Variants in SYNJ1 observed in about 807,000 individuals in gnomAD.
SYNJ1 encodes synaptojanin 1, also known as polyphosphatidylinositol phosphatase SYNJ1.
In SYNJ1, 78 loss-of-function variants were observed where a neutral mutation model predicts 168.2. That is an observed-to-expected ratio of 0.46 (90% CI 0.39 to 0.56). The LOEUF is 0.56. Among genes scored for constraint, SYNJ1 ranks in the 20% least tolerant of loss-of-function variants. SYNJ1 has a pLI of 0.00. For missense variants in SYNJ1, 1,303 were observed against 1,597.6 expected, an observed-to-expected ratio of 0.82 and a Z score of 3.14; for synonymous variants, 539 against 548.6, an observed-to-expected ratio of 0.98 and a Z score of 0.24.
intron 22 of SYNJ1, 121 bp downstream of exon 22, chr21:32,653,167 A>C: frequency 1.3e-6 from 1 of 764,392 alleles, no homozygotes. Flanking sequence ...AACTCCTCGA[A>C]CATACCATAA....
intron 1 of SYNJ1, among the ~76,000 whole-genome samples, chr21:32,727,170 GGTCT>G (rs1569145196): frequency 6.6e-6 from 1 of 152,144 alleles, no homozygotes; most frequent in Non-Finnish European, 1.5e-5. Flanking sequence ...GTCAATCAAC[GGTCT>G]GGTTGAGTTT....
chr21:32,720,859 A>C (rs1459004290), intron 2 of SYNJ1, among the ~76,000 whole-genome samples: 1 of 152,164 alleles, frequency 6.6e-6, no homozygotes, highest in Non-Finnish European at 1.5e-5. Flanking sequence ...TCCATCTTCT[A>C]TTTAGGATAT....
chr21:32,669,269 AT>A (rs1293151205), intron 15 of SYNJ1, among the ~76,000 whole-genome samples: 1 of 152,080 alleles, frequency 6.6e-6, no homozygotes, highest in African/African-American at 2.4e-5. Context: ...GTTATGTGGC[AT>A]TTTTTTCAAC....
At chr21:32,667,485 TA>T (rs1244937371) in intron 15 of SYNJ1, among the ~76,000 whole-genome samples, 5 of 151,704 alleles carry the variant, frequency 3.3e-5, no homozygotes, top group African/African-American at 9.7e-5. Flanking sequence ...CCCCATTTAT[TA>T]AAAAAAAATC....
chr21:32,710,210 AATAAAAAC>A (rs1345473492), intron 2 of SYNJ1, among the ~76,000 whole-genome samples: 1 of 152,144 alleles, frequency 6.6e-6, no homozygotes, highest in East Asian at 1.9e-4. Flanking sequence ...AAAATAAATA[AATAAAAAC>A]ATAAATAAAT....
chr21:32,696,215 T>G (rs1032506471), intron 4 of SYNJ1, among the ~76,000 whole-genome samples: 1 of 152,214 alleles, frequency 6.6e-6, no homozygotes, highest in Non-Finnish European at 1.5e-5. Flanking sequence ...TAAATTTAAA[T>G]AGCAAGATGT....
chr21:32,645,188 TAATTTA>T (rs1270950268), intron 25 of SYNJ1, among the ~76,000 whole-genome samples, 182 bp from the exon 26 acceptor site: 1 of 152,228 alleles, frequency 6.6e-6, no homozygotes, highest in African/African-American at 2.4e-5. Flanking sequence ...GCACTATATT[TAATTTA>T]AAAGAACATT....
In SYNJ1 at chr21:32,699,749, T is replaced by C. The variant is rs1428893348; in HGVS notation, c.479+89A>G. ...GGTCTTCAGGGTTCTTCCTCCTTTC[T>C]TGCTGTCACGGTGAGGAGGTTTTTG... On this transcript the variant is annotated intron_variant, in intron 4 of 32. Coordinates refer to ENST00000674351, the MANE Select transcript of SYNJ1 (RefSeq NM_203446.3). 5 of 1,481,738 alleles carry C rather than the reference T, an allele frequency of 3.4e-6. No homozygotes were observed. The Admixed American group carries it at 1.1e-4, about 33-fold the overall frequency. 91.8% of individuals were successfully genotyped at this position (1,481,738 alleles called of 1,614,324 possible). A position where few individuals can be genotyped will look rare whatever the true frequency, so the allele number is the denominator to read the frequency against.
intron 2 of SYNJ1, among the ~76,000 whole-genome samples, chr21:32,720,277 A>T (rs2043173897): frequency 6.6e-6 from 1 of 152,176 alleles, no homozygotes; most frequent in Non-Finnish European, 1.5e-5. Context: ...ACTTAATGAG[A>T]TAATAAGGTC....
At chr21:32,679,796 T>A (rs895146884) in intron 11 of SYNJ1, among the ~76,000 whole-genome samples, 23 of 152,122 alleles carry the variant, frequency 1.5e-4, no homozygotes, top group Non-Finnish European at 2.1e-4. Context: ...GCAAATGACA[T>A]TATTTGAAAA....
chr21:32,685,436 A>AT (rs2041799908), intron 9 of SYNJ1, among the ~76,000 whole-genome samples: 3 of 148,428 alleles, frequency 2.0e-5, no homozygotes, highest in Admixed American at 2.0e-4. Flanking sequence ...AAAAAAAAAA[A>AT]AAAAAAAAAA....
At chr21:32,659,427 A>G (rs997185122) in intron 18 of SYNJ1, among the ~76,000 whole-genome samples, 22 of 152,192 alleles carry the variant, frequency 1.4e-4, no homozygotes, top group Non-Finnish European at 2.8e-4. Context: ...CCAAAGAAAG[A>G]AGAAGTAAAA....
chr21:32,712,976 A>C (rs1394061987), intron 2 of SYNJ1, among the ~76,000 whole-genome samples: 1 of 152,252 alleles, frequency 6.6e-6, no homozygotes, highest in Non-Finnish European at 1.5e-5. Flanking sequence ...AAACATGTAC[A>C]AGGATGTTCA....
In SYNJ1 at chr21:32,640,305, G is replaced by T. The variant is rs543417909; in HGVS notation, c.3589-526C>A. Among the ~76,000 whole-genome samples the T allele has an allele frequency of 8.2e-3, 1,234 of 150,064 alleles. 18 individuals carry two copies. Among genetic ancestry groups the T allele is most frequent in the Middle Eastern group, 0.034 (10 of 292 alleles). On this transcript the variant is annotated intron_variant, in intron 29 of 32. Coordinates refer to ENST00000674351, the MANE Select transcript of SYNJ1 (RefSeq NM_203446.3). ...ACACCCTGAGATTTGTTTTTTTTTT[G>T]GTTTTTTTTTGAGATGGAGTCTCAC...
At chr21:32,723,245 T>A (rs762215918) in intron 2 of SYNJ1, among the ~76,000 whole-genome samples, 8 of 152,228 alleles carry the variant, frequency 5.3e-5, no homozygotes, top group Admixed American at 5.2e-4. Flanking sequence ...TTTTGGTATG[T>A]GCTAATAGTA....
chr21:32,642,616 G>T (rs1375889898), intron 27 of SYNJ1, among the ~76,000 whole-genome samples: 2 of 152,164 alleles, frequency 1.3e-5, no homozygotes, highest in African/African-American at 4.8e-5. Context: ...TGTGGATAAG[G>T]TTATCTTATG....
intron 11 of SYNJ1, 68 bp downstream of exon 11, chr21:32,681,428 C>T: frequency 1.4e-6 from 2 of 1,472,462 alleles, no homozygotes; most frequent in South Asian, 3.0e-5. Flanking sequence ...TTTAAAAGGC[C>T]ATTTAAAAGC....
chr21:32,653,263 T>C (rs1402446772), intron 22 of SYNJ1, 25 bp downstream of exon 22: 1 of 1,577,460 alleles, frequency 6.3e-7, no homozygotes, highest in South Asian at 1.1e-5. Context: ...TCAGAATGGT[T>C]TAGAATCAAC....
At chr21:32,702,092 G>T (rs1425596910) in intron 2 of SYNJ1, 45 bp from the exon 3 acceptor site, 1 of 1,361,584 alleles carries the variant, frequency 7.3e-7, no homozygotes, top group Admixed American at 1.9e-5. Flanking sequence ...CTGAAACATT[G>T]GATTCTATTT....
Sources: gnomAD v4.1 joint callset for allele counts (sites outside exome capture counted in the v4.1 genomes callset) on GRCh38, gnomAD v4.1.1 for gene constraint, MANE v1.5 for transcripts, NCBI Gene and HGNC (gene_info 2026-07-23, HGNC 2026-07-21) for gene names.